CLSTN2: variants seen among roughly 807,000 people sequenced by gnomAD.
CLSTN2 encodes calsyntenin-2.
A neutral mutation model predicts 101.2 loss-of-function variants in CLSTN2; 48 were observed. The observed-to-expected ratio is 0.47, with a 90% CI of 0.38 to 0.60. The LOEUF (loss-of-function observed/expected upper bound fraction) is 0.60. CLSTN2 is among the 20% of genes least tolerant of loss of function. The pLI, the probability that CLSTN2 is intolerant of heterozygous loss-of-function variation, is 0.00. For synonymous variants in CLSTN2, 481 were observed against 463.6 expected, an observed-to-expected ratio of 1.04 and a Z score of -0.48; for missense variants, 1,160 against 1,238.2, an observed-to-expected ratio of 0.94 and a Z score of 0.95.
At chr3:140,376,466 C>T (rs2087918139) in intron 2 of CLSTN2, among the ~76,000 whole-genome samples, 1 of 152,198 alleles carries the variant, frequency 6.6e-6, no homozygotes, top group African/African-American at 2.4e-5. Context: ...CAAAGATTCC[C>T]CTCCTTTCTG....
chr3:140,369,990 T>C (rs1030268634), intron 2 of CLSTN2, among the ~76,000 whole-genome samples: 6 of 152,236 alleles, frequency 3.9e-5, no homozygotes, highest in African/African-American at 1.4e-4. Context: ...CATTGGGTTG[T>C]GGGTTGGGAG....
intron 2 of CLSTN2, among the ~76,000 whole-genome samples, chr3:140,401,392 A>T (rs1476782899): frequency 6.6e-6 from 1 of 152,244 alleles, no homozygotes; most frequent in African/African-American, 2.4e-5. Flanking sequence ...CAGACCTAGC[A>T]CAGTGCCTGA....
intron 2 of CLSTN2, among the ~76,000 whole-genome samples, chr3:140,400,018 C>T (rs2088222952): frequency 1.3e-5 from 2 of 151,518 alleles, no homozygotes; most frequent in South Asian, 2.1e-4. Flanking sequence ...CCTCCACCAT[C>T]GTTTTCAGTG....
intron 2 of CLSTN2, among the ~76,000 whole-genome samples, chr3:140,293,914 C>T (rs2086977779): frequency 6.6e-6 from 1 of 152,126 alleles, no homozygotes; most frequent in Admixed American, 6.5e-5. Context: ...TTTGTGAAGG[C>T]TCTAGAGTTT....
intron 1 of CLSTN2, among the ~76,000 whole-genome samples, chr3:140,016,825 A>G (rs1330243105): frequency 1.3e-5 from 2 of 151,968 alleles, no homozygotes; most frequent in Non-Finnish European, 2.9e-5. Context: ...GAAACAAACA[A>G]AAAAACCTCA....
chr3:140,097,408 T>TACC (rs933372850), intron 1 of CLSTN2, among the ~76,000 whole-genome samples: 5 of 152,174 alleles, frequency 3.3e-5, no homozygotes, highest in African/African-American at 1.2e-4. Flanking sequence ...ACTTTCAGCC[T>TACC]ACCATTTTTC....
At chr3:140,031,644 A>G (rs188301806) in intron 1 of CLSTN2, among the ~76,000 whole-genome samples, 1 of 152,306 alleles carries the variant, frequency 6.6e-6, no homozygotes, top group African/African-American at 2.4e-5. Context: ...GGATATTTGT[A>G]GTTTCCTGAT....
At chr3:140,351,185 A>T (rs2107942751) in intron 2 of CLSTN2, among the ~76,000 whole-genome samples, 1 of 152,308 alleles carries the variant, frequency 6.6e-6, no homozygotes, top group East Asian at 1.9e-4. Context: ...AATTTTCAAA[A>T]GTGTTTGTGT....
chr3:140,357,606 G>A (rs936756014), intron 2 of CLSTN2, among the ~76,000 whole-genome samples: 12 of 152,108 alleles, frequency 7.9e-5, no homozygotes, highest in African/African-American at 2.9e-4. Context: ...TTGTGAGGGA[G>A]GCAAGCAGAG....
At chr3:140,357,246 T>C (rs1052572842) in intron 2 of CLSTN2, among the ~76,000 whole-genome samples, 6 of 152,208 alleles carry the variant, frequency 3.9e-5, no homozygotes, top group African/African-American at 1.2e-4. Flanking sequence ...ACCAATTATA[T>C]TCATTATAGC....
chr3:140,560,805 A>T (rs1344068803), intron 12 of CLSTN2, among the ~76,000 whole-genome samples: 5 of 152,162 alleles, frequency 3.3e-5, no homozygotes, highest in Non-Finnish European at 7.4e-5. Context: ...ACCAGACCTG[A>T]CAAGAAGCCG....
At chr3:140,042,298 T>A (rs1157708771) in intron 1 of CLSTN2, among the ~76,000 whole-genome samples, 1 of 152,218 alleles carries the variant, frequency 6.6e-6, no homozygotes, top group African/African-American at 2.4e-5. Context: ...TTATCCATAT[T>A]GAGTATTGCG....
intron 1 of CLSTN2, among the ~76,000 whole-genome samples, chr3:140,044,116 G>A (rs1174878097): frequency 6.6e-6 from 1 of 152,102 alleles, no homozygotes; most frequent in Non-Finnish European, 1.5e-5. Flanking sequence ...AAATTACCTT[G>A]GGCAGTATGG....
intron 2 of CLSTN2, among the ~76,000 whole-genome samples, chr3:140,398,302 T>G (rs2107975209): frequency 6.6e-6 from 1 of 152,320 alleles, no homozygotes; most frequent in East Asian, 1.9e-4. Context: ...TCATTGTGAT[T>G]TAATAAAAAT....
rs113260875 is a variant in CLSTN2, at chr3:140,052,051, A to G, written c.109+116568A>G. ...AGTTTAAGTGACTTGTTTGAGATCA[A>G]TTGGTCCAGAGTGGATGTAGAATTG... On this transcript the variant is annotated intron_variant, in intron 1 of 16. Coordinates refer to ENST00000458420, the MANE Select transcript of CLSTN2 (RefSeq NM_022131.3). 2.6e-5 allele frequency among the ~76,000 whole-genome samples: 4 copies of G among 152,356 alleles called. 1 individual carries two copies. Among genetic ancestry groups the G allele is most frequent in the African/African-American group, 7.2e-5 (3 of 41,602 alleles).
chr3:140,123,954 A>G (rs927381619), intron 1 of CLSTN2, among the ~76,000 whole-genome samples: 7 of 152,104 alleles, frequency 4.6e-5, no homozygotes, highest in African/African-American at 1.7e-4. Context: ...TAAAAGCCCT[A>G]TCTACAAAAA....
chr3:140,164,598 A>G (rs1476358013), intron 1 of CLSTN2, among the ~76,000 whole-genome samples: 3 of 152,144 alleles, frequency 2.0e-5, no homozygotes, highest in Non-Finnish European at 4.4e-5. Context: ...TACCCCTTAC[A>G]CTCAACCTCA....
intron 2 of CLSTN2, among the ~76,000 whole-genome samples, chr3:140,392,687 A>G (rs1174779124): frequency 4.6e-5 from 7 of 152,160 alleles, no homozygotes; most frequent in African/African-American, 1.7e-4. Context: ...GGAGTTTTCA[A>G]TTTGTGCCTA....
intron 9 of CLSTN2, among the ~76,000 whole-genome samples, chr3:140,533,886 C>T (rs1304402132): frequency 6.6e-6 from 1 of 152,042 alleles, no homozygotes; most frequent in African/African-American, 2.4e-5. Context: ...AGATTCAAAA[C>T]CCAGGAAGGA....
Sources: allele counts gnomAD v4.1 joint callset (sites outside exome capture counted in the v4.1 genomes callset), GRCh38; gene constraint gnomAD v4.1.1; transcripts MANE v1.5; gene names NCBI Gene and HGNC (gene_info 2026-07-23, HGNC 2026-07-21).